The following FMN2 variants were observed in gnomAD, a reference collection of about 807,000 sequenced individuals.
The protein encoded by FMN2 is formin-2.
Under a neutral mutation model 142.3 loss-of-function variants are expected in FMN2, and 51 were observed. The observed-to-expected ratio is 0.36, with a 90% CI of 0.29 to 0.45. FMN2 has a LOEUF of 0.45. Ranked by LOEUF, FMN2 falls within the 20% of genes least tolerant of loss-of-function variation. The pLI is 1.00. For synonymous variants in FMN2, 882 were observed against 869.8 expected (o/e 1.01, Z -0.25); for missense variants, 1,936 against 2,122.8 (o/e 0.91, Z 1.73).
chr1:240,466,419 A>G (rs1676620916), intron 16 of FMN2, among the ~76,000 whole-genome samples: 1 of 152,180 alleles, frequency 6.6e-6, no homozygotes, highest in Non-Finnish European at 1.5e-5. Context: ...TTTTTGGAAA[A>G]TAAATTTATT....
chr1:240,350,117 T>G (rs193297356), intron 13 of FMN2, among the ~76,000 whole-genome samples: 97 of 152,336 alleles, frequency 6.4e-4, no homozygotes, highest in African/African-American at 2.2e-3. Flanking sequence ...TATTTATATG[T>G]GGCATTGTGT....
intron 15 of FMN2, among the ~76,000 whole-genome samples, chr1:240,411,228 T>A (rs1384382665): frequency 6.6e-6 from 1 of 152,228 alleles, no homozygotes; most frequent in African/African-American, 2.4e-5. Flanking sequence ...TTTAAATAAT[T>A]GAAGGAATTA....
At chr1:240,306,990 C>A (rs114158224) in intron 8 of FMN2, among the ~76,000 whole-genome samples, 4 of 152,176 alleles carry the variant, frequency 2.6e-5, no homozygotes, top group African/African-American at 9.7e-5. Flanking sequence ...TTGTATCTCT[C>A]TGGTGTTTAG....
intron 8 of FMN2, among the ~76,000 whole-genome samples, chr1:240,308,554 A>G (rs905858052): frequency 1.8e-4 from 27 of 152,290 alleles, no homozygotes; most frequent in African/African-American, 6.3e-4. Flanking sequence ...CCAACCAGAA[A>G]CAGAAACTAA....
chr1:240,265,885 C>A (rs1482418382), intron 7 of FMN2, among the ~76,000 whole-genome samples: 2 of 149,692 alleles, frequency 1.3e-5, no homozygotes, highest in Non-Finnish European at 3.0e-5. Flanking sequence ...AAACTTAGGG[C>A]AACCAGTAAG....
At position 240,321,334 on chromosome 1, in the gene FMN2, G is replaced by T. The variant is rs570255106; in HGVS notation, c.4216-7742G>T. On this transcript the variant is annotated intron_variant, in intron 8 of 17. Transcript: ENST00000319653. ...TAAGCTCTAAAGCAAAAATTAGAAT[G>T]TTGGAAGTCTTTTATCCACCAGCAT... 1.3e-5 allele frequency among the ~76,000 whole-genome samples: 2 copies of T among 152,214 alleles called. 1 individual carries two copies. Among genetic ancestry groups the T allele is most frequent in the South Asian group, 4.1e-4 (2 of 4,828 alleles).
At chr1:240,243,492 G>A (rs185596348) in intron 6 of FMN2, among the ~76,000 whole-genome samples, 34 of 152,168 alleles carry the variant, frequency 2.2e-4, no homozygotes, top group African/African-American at 7.7e-4. Context: ...ATTTCTTATC[G>A]CCTTCTATTG....
At chr1:240,412,658 G>A (rs1166057071) in intron 15 of FMN2, among the ~76,000 whole-genome samples, 1 of 152,102 alleles carries the variant, frequency 6.6e-6, no homozygotes, top group Non-Finnish European at 1.5e-5. Context: ...AAAAAAGTGT[G>A]ACAGAATTAT....
At chr1:240,193,008 G>A (rs1665770022) in intron 4 of FMN2, among the ~76,000 whole-genome samples, 3 of 152,168 alleles carry the variant, frequency 2.0e-5, no homozygotes, top group Admixed American at 6.5e-5. Context: ...CTTGAGATGA[G>A]AATGTGAAGA....
chr1:240,372,983 G>C (rs1319614097), intron 14 of FMN2, among the ~76,000 whole-genome samples: 1 of 152,090 alleles, frequency 6.6e-6, no homozygotes, highest in Non-Finnish European at 1.5e-5. Context: ...TCAGGTATAC[G>C]AGACCAGCCT....
intron 11 of FMN2, among the ~76,000 whole-genome samples, chr1:240,333,604 T>G (rs542731893): frequency 2.6e-4 from 40 of 152,128 alleles, no homozygotes; most frequent in African/African-American, 9.4e-4. Flanking sequence ...ATACAAGACA[T>G]GAGCTAAATT....
chr1:240,176,076 A>T (rs745973860), intron 2 of FMN2, among the ~76,000 whole-genome samples: 35 of 152,130 alleles, frequency 2.3e-4, no homozygotes, highest in Non-Finnish European at 3.8e-4. Flanking sequence ...ATTGATTTTT[A>T]AAAAAATTTT....
At chr1:240,093,831 G>C (rs1459050524) in intron 1 of FMN2, 107 bp downstream of exon 1, 2 of 713,486 alleles carry the variant, frequency 2.8e-6, no homozygotes, top group East Asian at 6.8e-5. Context: ...ACCTGGTAGT[G>C]GCACATCTCT....
chr1:240,387,665 C>T (rs1673450079), intron 14 of FMN2, among the ~76,000 whole-genome samples: 1 of 152,170 alleles, frequency 6.6e-6, no homozygotes. Flanking sequence ...TGTAAAGAGG[C>T]AACCTTATTT....
chr1:240,468,135 G>A (rs930065706), intron 16 of FMN2, among the ~76,000 whole-genome samples: 1 of 151,842 alleles, frequency 6.6e-6, no homozygotes, highest in Non-Finnish European at 1.5e-5. Flanking sequence ...CTCTAATAGG[G>A]TGAAATCTTG....
chr1:240,289,079 A>G (rs1669688040), intron 7 of FMN2, among the ~76,000 whole-genome samples: 1 of 152,220 alleles, frequency 6.6e-6, no homozygotes, highest in Admixed American at 6.5e-5. Flanking sequence ...CTTGCCCTGC[A>G]GAAATGAATA....
chr1:240,182,815 A>G (rs1262468868), intron 3 of FMN2, among the ~76,000 whole-genome samples: 1 of 152,040 alleles, frequency 6.6e-6, no homozygotes, highest in Admixed American at 6.6e-5. Flanking sequence ...AAACACAGTC[A>G]CTCACAGAAG....
chr1:240,154,990 A>T (rs998091087), intron 2 of FMN2, among the ~76,000 whole-genome samples: 6 of 150,518 alleles, frequency 4.0e-5, no homozygotes, highest in Non-Finnish European at 8.9e-5. Context: ...AGACTTAAGC[A>T]ATCCCCCCCC....
chr1:240,154,330 G>C (rs1332754543), intron 2 of FMN2, among the ~76,000 whole-genome samples: 1 of 152,266 alleles, frequency 6.6e-6, no homozygotes, highest in East Asian at 1.9e-4. Flanking sequence ...CGTGTAAGTG[G>C]AGGAAGGCCC....
Sources: gnomAD v4.1 joint callset for allele counts (sites outside exome capture counted in the v4.1 genomes callset) on GRCh38, gnomAD v4.1.1 for gene constraint, MANE v1.5 for transcripts, NCBI Gene and HGNC (gene_info 2026-07-23, HGNC 2026-07-21) for gene names.